Variants in DLGAP1 observed in about 807,000 individuals in gnomAD.
The protein encoded by DLGAP1 is disks large-associated protein 1.
Under a neutral mutation model 90.8 loss-of-function variants are expected in DLGAP1, and 11 were observed. The ratio of observed to expected loss-of-function variants is 0.12; its 90% CI spans 0.08 to 0.20. DLGAP1 has a LOEUF of 0.20. Among genes scored for constraint, DLGAP1 ranks in the 10% least tolerant of loss-of-function variants. The pLI is 1.00. For synonymous variants in DLGAP1, 558 were observed against 540.7 expected (o/e 1.03, Z -0.44); for missense variants, 1,050 against 1,333.8 (o/e 0.79, Z 3.31).
chr18:4,109,769 A>G (rs922741966), intron 2 of DLGAP1, among the ~76,000 whole-genome samples: 1 of 151,368 alleles, frequency 6.6e-6, no homozygotes, highest in Non-Finnish European at 1.5e-5. Flanking sequence ...AACTCAAACT[A>G]TTTCCCCCAT....
At chr18:3,574,626 A>C (rs2054999801) in intron 8 of DLGAP1, among the ~76,000 whole-genome samples, 1 of 152,082 alleles carries the variant, frequency 6.6e-6, no homozygotes, top group African/African-American at 2.4e-5. Flanking sequence ...GACTGGAGAG[A>C]GGTCCCTCCA....
chr18:3,845,141 G>T, intron 4 of DLGAP1: 1 of 1,497,640 alleles, frequency 6.7e-7, no homozygotes, highest in Non-Finnish European at 9.1e-7. Flanking sequence ...ACTCCAGTAT[G>T]TTAAAAGAAA....
intron 1 of DLGAP1, among the ~76,000 whole-genome samples, chr18:4,258,008 T>TGTGC (rs1555773226): frequency 1.6e-4 from 22 of 140,944 alleles, no homozygotes; most frequent in Admixed American, 1.3e-3. Flanking sequence ...TGTGTGTGTG[T>TGTGC]GTGCGCGCGC....
intron 2 of DLGAP1, among the ~76,000 whole-genome samples, chr18:4,089,861 C>T (rs187800789): frequency 5.9e-4 from 90 of 152,172 alleles, no homozygotes; most frequent in South Asian, 3.5e-3. Flanking sequence ...CTGGCTAACA[C>T]GGTGAAACCC....
intron 4 of DLGAP1, chr18:3,845,098 C>A: frequency 8.8e-7 from 1 of 1,137,814 alleles, no homozygotes; most frequent in African/African-American, 1.6e-5. Context: ...ATTGTTCATC[C>A]CCAGTTCACA....
chr18:3,809,650 G>A (rs2066732681), intron 5 of DLGAP1, among the ~76,000 whole-genome samples: 1 of 152,130 alleles, frequency 6.6e-6, no homozygotes, highest in Admixed American at 6.6e-5. Flanking sequence ...TTTCTTCCAG[G>A]GGGAGAATTT....
intron 1 of DLGAP1, among the ~76,000 whole-genome samples, chr18:4,170,271 A>G (rs1334945249): frequency 6.6e-6 from 1 of 152,210 alleles, no homozygotes; most frequent in Non-Finnish European, 1.5e-5. Context: ...TAGCTTTAGA[A>G]TGGGATTAAT....
rs150456124 is a variant in DLGAP1, at chr18:4,392,891, G to A, written c.-267+62115C>T. On this transcript the variant is annotated intron_variant, in intron 1 of 12. Transcript: ENST00000315677. ...CTCCTTTTTAGGATATGGCACTCCC[G>A]GCCAACCATTCCAACCAGAAATGTA... 2.5e-4 allele frequency among the ~76,000 whole-genome samples: 38 copies of A among 152,140 alleles called. No homozygotes were observed. The East Asian group carries it at 4.8e-3, about 19-fold the overall frequency.
chr18:4,249,561 T>A (rs772917847), intron 1 of DLGAP1, among the ~76,000 whole-genome samples: 1 of 151,858 alleles, frequency 6.6e-6, no homozygotes, highest in Non-Finnish European at 1.5e-5. Context: ...TCAGTAATGA[T>A]GGATTTCTGC....
At chr18:3,629,395 G>A (rs2058433349) in intron 7 of DLGAP1, among the ~76,000 whole-genome samples, 1 of 152,064 alleles carries the variant, frequency 6.6e-6, no homozygotes, top group African/African-American at 2.4e-5. Flanking sequence ...AAATAGGCTG[G>A]GCGCGGTGGC....
intron 10 of DLGAP1, among the ~76,000 whole-genome samples, chr18:3,516,352 T>C (rs2050846997): frequency 6.6e-6 from 1 of 152,064 alleles, no homozygotes; most frequent in East Asian, 1.9e-4. Context: ...GGGGTATCCA[T>C]CCCCTCAAGC....
At chr18:4,222,272 G>C (rs2078093092) in intron 1 of DLGAP1, among the ~76,000 whole-genome samples, 1 of 152,026 alleles carries the variant, frequency 6.6e-6, no homozygotes, top group Non-Finnish European at 1.5e-5. Context: ...CAAACATAAT[G>C]CTTAACCATT....
chr18:4,452,780 T>A (rs1426124071), intron 1 of DLGAP1, among the ~76,000 whole-genome samples: 1 of 152,134 alleles, frequency 6.6e-6, no homozygotes, highest in South Asian at 2.1e-4. Context: ...TGCTAAACCA[T>A]GAAAATTCCC....
chr18:3,700,122 G>A (rs1306263411), intron 7 of DLGAP1, among the ~76,000 whole-genome samples: 1 of 152,270 alleles, frequency 6.6e-6, no homozygotes, highest in Non-Finnish European at 1.5e-5. Context: ...CCCCTTTCCA[G>A]GGTAGTGAAA....
intron 1 of DLGAP1, among the ~76,000 whole-genome samples, chr18:4,385,010 C>T (rs1388416686): frequency 2.6e-5 from 4 of 152,064 alleles, no homozygotes; most frequent in African/African-American, 9.7e-5. Context: ...CTCCCTAATG[C>T]CTGCAACAGT....
At chr18:3,780,019 C>A (rs1179781906) in intron 5 of DLGAP1, among the ~76,000 whole-genome samples, 1 of 152,052 alleles carries the variant, frequency 6.6e-6, no homozygotes, top group African/African-American at 2.4e-5. Flanking sequence ...AACTCTTGAC[C>A]TCAAGTGATC....
chr18:4,265,661 C>T (rs2079110160), intron 1 of DLGAP1, among the ~76,000 whole-genome samples: 1 of 76,228 alleles, frequency 1.3e-5, no homozygotes, highest in Admixed American at 1.3e-4. Flanking sequence ...CCCTCCCTCC[C>T]TCCCTTCCTT....
chr18:4,449,188 T>A (rs1412634764), intron 1 of DLGAP1, among the ~76,000 whole-genome samples: 3 of 152,230 alleles, frequency 2.0e-5, no homozygotes, highest in Admixed American at 6.5e-5. Flanking sequence ...AGGGTCAGAA[T>A]AAAGTAAGAC....
chr18:4,359,538 T>C (rs111508330), intron 1 of DLGAP1, among the ~76,000 whole-genome samples: 37 of 152,368 alleles, frequency 2.4e-4, no homozygotes, highest in African/African-American at 8.7e-4. Flanking sequence ...TATTCATTTC[T>C]GAAGGCTCCC....
Sources: allele counts gnomAD v4.1 joint callset (sites outside exome capture counted in the v4.1 genomes callset), GRCh38; gene constraint gnomAD v4.1.1; transcripts MANE v1.5; gene names NCBI Gene and HGNC (gene_info 2026-07-23, HGNC 2026-07-21).